TSHZ3: variants seen among roughly 807,000 people sequenced by gnomAD.
TSHZ3 encodes the protein teashirt homolog 3.
A neutral mutation model predicts 64.5 loss-of-function variants in TSHZ3; 10 were observed. The ratio of observed to expected loss-of-function variants is 0.16; its 90% confidence interval spans 0.10 to 0.26. The LOEUF (loss-of-function observed/expected upper bound fraction) is 0.26. TSHZ3 is among the 10% of genes least tolerant of loss of function. The pLI, the probability that TSHZ3 is intolerant of heterozygous loss-of-function variation, is 1.00. For missense variants in TSHZ3, 1,242 were observed against 1,421.7 expected, an observed-to-expected ratio of 0.87 and a Z score of 2.03; for synonymous variants, 608 against 593.1, an observed-to-expected ratio of 1.03 and a Z score of -0.36.
intron 4 of TSHZ3, among the ~76,000 whole-genome samples, chr19:31,215,613 C>T (rs1425048889): frequency 6.6e-6 from 1 of 152,202 alleles, no homozygotes; most frequent in Non-Finnish European, 1.5e-5. Context: ...TGGCTCACGC[C>T]TATAATCCCA....
At chr19:31,210,899 A>G (rs1975252952) in intron 4 of TSHZ3, among the ~76,000 whole-genome samples, 1 of 152,182 alleles carries the variant, frequency 6.6e-6, no homozygotes, top group African/African-American at 2.4e-5. Flanking sequence ...AATATATCAT[A>G]CTCTGTGTTC....
At chr19:31,192,318 A>T (rs898652652) in intron 5 of TSHZ3, among the ~76,000 whole-genome samples, 4 of 152,224 alleles carry the variant, frequency 2.6e-5, no homozygotes, top group African/African-American at 9.6e-5. Context: ...CATGCCTGTG[A>T]TGTTTATTAA....
intron 5 of TSHZ3, among the ~76,000 whole-genome samples, chr19:31,196,825 A>G (rs1464440101): frequency 3.9e-5 from 6 of 152,104 alleles, no homozygotes; most frequent in African/African-American, 1.4e-4. Context: ...AAATGGGTAG[A>G]ACTGAAAAGA....
chr19:31,292,359 C>T (rs780597339), intron 1 of TSHZ3, among the ~76,000 whole-genome samples: 4 of 152,088 alleles, frequency 2.6e-5, no homozygotes, highest in African/African-American at 4.8e-5. Context: ...CTCTTGCCTG[C>T]CTATACACTT....
At chr19:31,203,955 G>A (rs1352728629) in intron 5 of TSHZ3, among the ~76,000 whole-genome samples, 1 of 152,076 alleles carries the variant, frequency 6.6e-6, no homozygotes, top group Admixed American at 6.6e-5. Flanking sequence ...CCGCATGGCT[G>A]GAGAGACCTC....
chr19:31,319,459 A>C (rs1443962249), intron 1 of TSHZ3, among the ~76,000 whole-genome samples: 1 of 152,238 alleles, frequency 6.6e-6, no homozygotes, highest in Non-Finnish European at 1.5e-5. Flanking sequence ...GCCACACTGA[A>C]GAAGTGAAAA....
At chr19:31,201,025 C>T (rs1975077596) in intron 5 of TSHZ3, among the ~76,000 whole-genome samples, 1 of 151,928 alleles carries the variant, frequency 6.6e-6, no homozygotes, top group East Asian at 1.9e-4. Flanking sequence ...GTAGACAAAT[C>T]AGTTAAAAAG....
At chr19:31,166,118 TCTGA>T (rs1974448012) in intron 5 of TSHZ3, among the ~76,000 whole-genome samples, 1 of 152,176 alleles carries the variant, frequency 6.6e-6, no homozygotes, top group Non-Finnish European at 1.5e-5. Context: ...CGTTCAGCAC[TCTGA>T]CTGCCTGTCA....
chr19:31,345,523 C>G (rs1158892351), intron 1 of TSHZ3, among the ~76,000 whole-genome samples: 3 of 152,172 alleles, frequency 2.0e-5, no homozygotes, highest in Admixed American at 1.3e-4. Flanking sequence ...GTGGCACCAG[C>G]AGACCCTAGG....
At chr19:31,182,434 A>C (rs1974731665) in intron 5 of TSHZ3, among the ~76,000 whole-genome samples, 1 of 152,136 alleles carries the variant, frequency 6.6e-6, no homozygotes, top group Admixed American at 6.5e-5. Flanking sequence ...TTCACTCCAC[A>C]GTTTTGGAAA....
chr19:31,198,599 A>T (rs1439218245), intron 5 of TSHZ3, among the ~76,000 whole-genome samples: 7 of 152,206 alleles, frequency 4.6e-5, no homozygotes, highest in Non-Finnish European at 1.0e-4. Context: ...ATAAAGGTTA[A>T]TACACAAAAG....
intron 5 of TSHZ3, among the ~76,000 whole-genome samples, chr19:31,173,865 C>T (rs920659970): frequency 1.3e-5 from 2 of 152,102 alleles, no homozygotes; most frequent in Non-Finnish European, 2.9e-5. Flanking sequence ...AGGTTAGGAG[C>T]TCGAGACCAG....
chr19:31,274,586 A>G (rs899018303), downstream of TSHZ3, among the ~76,000 whole-genome samples: 2 of 152,134 alleles, frequency 1.3e-5, no homozygotes, highest in African/African-American at 4.8e-5. Flanking sequence ...GGGCATCCAG[A>G]AGAGAGATCA....
intron 4 of TSHZ3, among the ~76,000 whole-genome samples, chr19:31,226,568 C>CT (rs1462766297): frequency 6.6e-6 from 1 of 152,156 alleles, no homozygotes; most frequent in African/African-American, 2.4e-5. Context: ...TCAGGTATGT[C>CT]TTTATCAGCA....
chr19:31,198,073 A>C (rs1261825092), intron 5 of TSHZ3, among the ~76,000 whole-genome samples: 1 of 152,134 alleles, frequency 6.6e-6, no homozygotes, highest in Non-Finnish European at 1.5e-5. Context: ...AATTGAATCC[A>C]ATAATGTGTG....
In TSHZ3 at chr19:31,278,021, A is replaced by G. The variant is rs769191357; in HGVS notation, c.1772T>C (p.Leu591Pro). 1 of 1,613,646 alleles carries G rather than the reference A, an allele frequency of 6.2e-7. No individual in the cohort carries two copies. Among genetic ancestry groups the G allele is most frequent in the East Asian group, 2.2e-5 (1 of 44,840 alleles). The change falls in exon 2 of 2, where the codon CTG becomes CCG. Residue 591 changes from leucine (L) to proline (P), a missense_variant. Physicochemically the swap from Leu to Pro is moderately conservative, Grantham distance 98 (BLOSUM62 -3). Transcript: ENST00000240587. The surrounding 1 kb of genome is among the most constrained non-coding windows in gnomAD (Gnocchi z 4.7). ...EIVSPTKNQT[L>P]VSPPSSQTSP... is the part of the protein sequence containing the mutation. ...CGTCTGGCTGCTGGGTGGAGAGACC[A>G]GGGTCTGGTTTTTCGTCGGGGAGAC...
At chr19:31,201,006 GA>G (rs66486677) in intron 5 of TSHZ3, among the ~76,000 whole-genome samples, 85,082 of 151,920 alleles carry the variant, frequency 0.56, 25,076 homozygotes, top group Middle Eastern at 0.7. Flanking sequence ...GGTGTCAGGG[GA>G]AAAAAATGTA....
At chr19:31,288,792 C>T (rs546098684) in intron 1 of TSHZ3, among the ~76,000 whole-genome samples, 7 of 152,298 alleles carry the variant, frequency 4.6e-5, no homozygotes, top group African/African-American at 7.2e-5. Flanking sequence ...CCTCCAGCGT[C>T]GGCCTCCCAA....
chr19:31,288,086 T>C (rs1045631835), intron 1 of TSHZ3, among the ~76,000 whole-genome samples: 2 of 151,976 alleles, frequency 1.3e-5, no homozygotes, highest in Non-Finnish European at 2.9e-5. Context: ...AGGCACTAGA[T>C]ACCTCGCCAG....
Sources: allele counts gnomAD v4.1 joint callset (sites outside exome capture counted in the v4.1 genomes callset), GRCh38; gene constraint gnomAD v4.1.1; non-coding constraint Gnocchi (gnomAD v3.1); transcripts MANE v1.5; gene names NCBI Gene and HGNC (gene_info 2026-07-23, HGNC 2026-07-21).